XKR9: variants seen among roughly 807,000 people sequenced by gnomAD.
The protein encoded by XKR9 is XK related 9.
A neutral mutation model predicts 32.0 loss-of-function variants in XKR9; 32 were observed. That is an observed-to-expected ratio of 1.00 (90% CI 0.76 to 1.34). The LOEUF is 1.34. XKR9 is among the 40% of genes most tolerant of loss of function. The pLI, the probability that XKR9 is intolerant of heterozygous loss-of-function variation, is 0.00. For missense variants in XKR9, 546 were observed against 429.7 expected (o/e 1.27, Z -2.39); for synonymous variants, 168 against 143.4 (o/e 1.17, Z -1.22).
chr8:71,057,537 C>T, the XKR9 span, among the ~76,000 whole-genome samples: 1 of 152,160 alleles, frequency 6.6e-6, no homozygotes, highest in Non-Finnish European at 1.5e-5. Context: ...CTATTCAATA[C>T]ATGTTGATTA....
chr8:70,740,806 T>A (rs978140791), downstream of XKR9, among the ~76,000 whole-genome samples: 14 of 152,244 alleles, frequency 9.2e-5, no homozygotes, highest in Non-Finnish European at 1.9e-4. Context: ...CGAATGCTGC[T>A]GTCTGATCGT....
chr8:70,912,798 G>C, the XKR9 span, among the ~76,000 whole-genome samples: 1 of 152,114 alleles, frequency 6.6e-6, no homozygotes, highest in Non-Finnish European at 1.5e-5. Flanking sequence ...CCAAGAAGAA[G>C]AGGTAGGTAG....
At chr8:70,806,536 C>G in the XKR9 span, among the ~76,000 whole-genome samples, 10 of 152,174 alleles carry the variant, frequency 6.6e-5, no homozygotes, top group Non-Finnish European at 1.3e-4. Flanking sequence ...ATTAAAGGAG[C>G]TGCTAACTAG....
the XKR9 span, among the ~76,000 whole-genome samples, chr8:70,994,802 T>A: frequency 6.6e-6 from 1 of 152,226 alleles, no homozygotes; most frequent in Non-Finnish European, 1.5e-5. Context: ...TCTGTTTTTC[T>A]CTTTGCATTT....
the XKR9 span, among the ~76,000 whole-genome samples, chr8:70,876,275 G>C: frequency 3.4e-5 from 5 of 148,092 alleles, no homozygotes; most frequent in East Asian, 1.0e-3. Context: ...AGGCTGGAGG[G>C]CAGTGGTGTG....
chr8:70,961,496 C>T, the XKR9 span, among the ~76,000 whole-genome samples: 1 of 152,232 alleles, frequency 6.6e-6, no homozygotes, highest in South Asian at 2.1e-4. Flanking sequence ...TCTATGACCT[C>T]TATATTCCAA....
At chr8:70,721,601 G>C (rs1806283845) in intron 4 of XKR9, among the ~76,000 whole-genome samples, 1 of 152,142 alleles carries the variant, frequency 6.6e-6, no homozygotes, top group Non-Finnish European at 1.5e-5. Flanking sequence ...TTTCCATGTA[G>C]TTTTGCAGTT....
At chr8:70,927,699 A>G in the XKR9 span, among the ~76,000 whole-genome samples, 1 of 152,144 alleles carries the variant, frequency 6.6e-6, no homozygotes, top group African/African-American at 2.4e-5. Context: ...CACTTCCCCA[A>G]AGGACCTGCC....
At chr8:70,844,309 G>A in the XKR9 span, among the ~76,000 whole-genome samples, 1 of 152,160 alleles carries the variant, frequency 6.6e-6, no homozygotes, top group African/African-American at 2.4e-5. Context: ...ATGCCATGAG[G>A]ACTAGTTTCC....
intron 3 of XKR9, among the ~76,000 whole-genome samples, chr8:70,687,184 A>G (rs1182007440): frequency 2.0e-5 from 3 of 152,076 alleles, no homozygotes; most frequent in Admixed American, 6.6e-5. Flanking sequence ...TTTAGCTCCA[A>G]TGTATGAGTG....
intron 2 of XKR9, among the ~76,000 whole-genome samples, chr8:70,786,760 A>G (rs1339317836): frequency 6.6e-6 from 1 of 152,062 alleles, no homozygotes; most frequent in Non-Finnish European, 1.5e-5. Flanking sequence ...ATCCATTTAC[A>G]TTCAGGGAAA....
the XKR9 span, among the ~76,000 whole-genome samples, chr8:70,923,094 A>G: frequency 6.6e-6 from 1 of 152,228 alleles, no homozygotes; most frequent in African/African-American, 2.4e-5. Context: ...CTTCAGAGTG[A>G]CGTCCTGCAG....
At chr8:70,984,520 AC>A in the XKR9 span, among the ~76,000 whole-genome samples, 1 of 152,022 alleles carries the variant, frequency 6.6e-6, no homozygotes, top group Admixed American at 6.6e-5. Flanking sequence ...ACTATATTTG[AC>A]TCTAAGCAGT....
chr8:70,724,426 G>A (rs1257030159), intron 4 of XKR9, among the ~76,000 whole-genome samples: 1 of 79,074 alleles, frequency 1.3e-5, no homozygotes, highest in Non-Finnish European at 2.9e-5. Flanking sequence ...TGCCACTGGG[G>A]TAGGAAAAAA....
chr8:70,734,573 T>C lies in XKR9; in HGVS notation c.*149T>C. ...ATAGGAGATACATAGTAGTATTTTA[T>C]TTTTAAAATTAATTTCTCATTTGGT... On this transcript the variant is annotated 3_prime_UTR_variant, in exon 5 of 5. Transcript: ENST00000408926. 9.5e-7 allele frequency: 1 copy of C among 1,057,198 alleles called. No homozygotes were observed. Among genetic ancestry groups the C allele is most frequent in the South Asian group, 3.3e-5 (1 of 29,926 alleles). The allele number at this position is 1,057,198 out of a possible 1,614,324, so 65.5% of individuals were successfully genotyped here. A position where few individuals can be genotyped will look rare whatever the true frequency, so the allele number is the denominator to read the frequency against.
chr8:71,049,759 T>G, the XKR9 span, among the ~76,000 whole-genome samples: 1 of 152,264 alleles, frequency 6.6e-6, no homozygotes, highest in South Asian at 2.1e-4. Context: ...GAGCCTCGTT[T>G]AAGGAACTGA....
the XKR9 span, among the ~76,000 whole-genome samples, chr8:70,890,837 T>C: frequency 2.0e-5 from 3 of 152,054 alleles, no homozygotes; most frequent in Non-Finnish European, 4.4e-5. Flanking sequence ...AATTGCCTCC[T>C]CTTCAATTTT....
chr8:70,762,911 T>C lies in XKR9; in HGVS notation n.353-26428T>C, dbSNP rs73282964. On this transcript the variant is annotated intron_variant and non_coding_transcript_variant, in intron 2 of 3. Coordinates refer to the XKR9 transcript ENST00000520273. ...AGCAGAAATAGGTTTTTCATCCTTT[T>C]GTTATTCCTCCAACAAAATATATAG... is the stretch of plus-strand genomic sequence containing the variant. 4.1e-3 allele frequency among the ~76,000 whole-genome samples: 622 copies of C among 152,308 alleles called. 6 individuals are homozygous for C. Among genetic ancestry groups the C allele is most frequent in the African/African-American group, 0.014 (593 of 41,556 alleles).
the XKR9 span, among the ~76,000 whole-genome samples, chr8:71,048,223 CTAACT>C: frequency 6.6e-6 from 1 of 152,076 alleles, no homozygotes; most frequent in Non-Finnish European, 1.5e-5. Flanking sequence ...CTTTTTATAC[CTAACT>C]TAAGTAATAA....
Sources: allele counts gnomAD v4.1 joint callset (sites outside exome capture counted in the v4.1 genomes callset), GRCh38; gene constraint gnomAD v4.1.1; transcripts MANE v1.5; gene names NCBI Gene and HGNC (gene_info 2026-07-23, HGNC 2026-07-21).